Variants in HMCN1 observed in about 807,000 individuals in gnomAD.
The protein encoded by HMCN1 is hemicentin-1.
In HMCN1, 321 loss-of-function variants were observed where a neutral mutation model predicts 625.9. The ratio of observed to expected loss-of-function variants is 0.51; its 90% CI spans 0.47 to 0.56. The LOEUF (loss-of-function observed/expected upper bound fraction) is 0.56, where lower values mean the gene tolerates loss of function less well. Among genes scored for constraint, HMCN1 ranks in the 20% least tolerant of loss-of-function variants. The probability of loss-of-function intolerance (pLI) is 0.00; values close to 1 mark genes in which losing one functional copy is unlikely to be tolerated. For synonymous variants in HMCN1, 2,425 were observed against 2,417.6 expected, an observed-to-expected ratio of 1.00 and a Z score of -0.09; for missense variants, 6,588 against 6,887.3, an observed-to-expected ratio of 0.96 and a Z score of 1.54.
At chr1:185,968,327 C>T (rs910219331) in intron 14 of HMCN1, among the ~76,000 whole-genome samples, 120 of 152,026 alleles carry the variant, frequency 7.9e-4, no homozygotes, top group African/African-American at 2.9e-3. Context: ...TAGAGATTTG[C>T]AAAATGTGAA....
At chr1:185,901,755 A>T (rs1665818984) in intron 4 of HMCN1, among the ~76,000 whole-genome samples, 2 of 151,748 alleles carry the variant, frequency 1.3e-5, no homozygotes, top group Admixed American at 1.3e-4. Context: ...ATCTGTACCA[A>T]AGAATAAGTT....
chr1:185,937,880 CA>C (rs1388624556), intron 11 of HMCN1, among the ~76,000 whole-genome samples: 1 of 128,614 alleles, frequency 7.8e-6, no homozygotes, highest in African/African-American at 3.1e-5. Context: ...GACTCCATCT[CA>C]AAATAATAAT....
chr1:185,786,462 G>A (rs1657574960), intron 1 of HMCN1, among the ~76,000 whole-genome samples: 1 of 152,166 alleles, frequency 6.6e-6, no homozygotes, highest in Admixed American at 6.5e-5. Context: ...GCAAAGGGAG[G>A]CTAAGCTTTG....
In HMCN1 at chr1:186,087,953, G is replaced by A. The variant is rs2102403123; in HGVS notation, c.9385G>A (p.Val3129Ile). ...KAEVSDTGQY[V>I]CRAINVAGRD... is the part of the protein sequence containing the mutation. The stretch of plus-strand genomic sequence containing the variant: ...TTAGGTATCTGACACAGGCCAGTAT[G>A]TATGTAGAGCTATAAATGTAGCAGG... The change falls in exon 61 of 107, where the codon GTA becomes ATA. Residue 3129 changes from valine to isoleucine, a missense_variant. This residue lies in a region of HMCN1 where 4,628 missense variants were observed against 4,853.1 expected (regional missense o/e 0.95). Coordinates refer to ENST00000271588, the MANE Select transcript of HMCN1 (RefSeq NM_031935.3). The A allele has an allele frequency of 1.9e-6, 3 of 1,612,974 alleles. No homozygotes were observed. Among genetic ancestry groups the A allele is most frequent in the Middle Eastern group, 1.7e-4 (1 of 6,052 alleles).
chr1:185,927,210 A>G (rs1454939790), intron 9 of HMCN1, among the ~76,000 whole-genome samples: 1 of 152,202 alleles, frequency 6.6e-6, no homozygotes, highest in Non-Finnish European at 1.5e-5. Context: ...ACTGAAGAAA[A>G]CACCAAAGAT....
chr1:186,108,826 T>A (rs142581229), intron 71 of HMCN1, among the ~76,000 whole-genome samples: 1 of 152,340 alleles, frequency 6.6e-6, no homozygotes, highest in African/African-American at 2.4e-5. Context: ...GGTATCTAGA[T>A]TCATGATGCT....
intron 34 of HMCN1, among the ~76,000 whole-genome samples, chr1:186,018,610 C>T (rs1305296602): frequency 6.6e-6 from 1 of 151,822 alleles, no homozygotes; most frequent in Non-Finnish European, 1.5e-5. Context: ...TAAATGTAGA[C>T]AGAATTTAAA....
chr1:185,744,089 C>T (rs1168676708), intron 1 of HMCN1, among the ~76,000 whole-genome samples: 3 of 148,934 alleles, frequency 2.0e-5, no homozygotes, highest in Non-Finnish European at 4.4e-5. Context: ...CCCGGGTTCA[C>T]GCCATTCTCC....
intron 3 of HMCN1, 30 bp downstream of exon 3, chr1:185,864,658 G>A: frequency 6.2e-7 from 1 of 1,609,074 alleles, no homozygotes. Flanking sequence ...AAACGTCTCT[G>A]TCTAAATGCA....
chr1:185,860,009 A>G (rs1337768551), intron 2 of HMCN1, among the ~76,000 whole-genome samples: 1 of 152,144 alleles, frequency 6.6e-6, no homozygotes, highest in Non-Finnish European at 1.5e-5. Context: ...ATTTAAAATT[A>G]TTAGAAAACC....
At chr1:186,188,067 G>T in intron 106 of HMCN1, 58 bp downstream of exon 106, 1 of 1,599,820 alleles carries the variant, frequency 6.3e-7, no homozygotes. Flanking sequence ...CCCACTCCTT[G>T]ACCAACATAA....
Position 186,065,273 on chromosome 1 carries a change from G to T in HMCN1, c.7549G>T (p.Gly2517Trp), listed in dbSNP as rs1424541351. Residue 2517 changes from glycine (G) to tryptophan (W), a missense_variant, in exon 49 of 107, where the codon GGG becomes TGG. Transcript: ENST00000271588. ...GCCAGAAATTACATGGCACAAAGAT[G>T]GGCAGCCCCTCCAAGAAGATGAAGC... ...PVPEITWHKD[G>W]QPLQEDEAHH... The T allele has an allele frequency of 6.2e-7, 1 of 1,612,428 alleles. No homozygotes were observed. The highest frequency in any genetic ancestry group is 1.1e-5 in the South Asian group (1 of 91,002).
At chr1:185,895,458 G>A (rs927025685) in intron 4 of HMCN1, among the ~76,000 whole-genome samples, 1 of 152,182 alleles carries the variant, frequency 6.6e-6, no homozygotes, top group Admixed American at 6.5e-5. Context: ...GAATCATAAA[G>A]CTGTATTTCT....
intron 45 of HMCN1, 56 bp from the exon 46 acceptor site, chr1:186,057,178 A>G: frequency 7.2e-7 from 1 of 1,383,730 alleles, no homozygotes; most frequent in Non-Finnish European, 1.0e-6. Flanking sequence ...GGTATATCAA[A>G]TGTATATCAG....
intron 55 of HMCN1, 32 bp from the exon 56 acceptor site, chr1:186,081,175 A>T (rs1306178394): frequency 6.3e-7 from 1 of 1,580,178 alleles, no homozygotes; most frequent in Non-Finnish European, 8.7e-7. Flanking sequence ...ACTGTTGCCC[A>T]TTTTTCTCCC....
At chr1:186,164,306 C>CTCGGCTCACTACAAGCT (rs1210222983) in intron 97 of HMCN1, among the ~76,000 whole-genome samples, 1 of 146,658 alleles carries the variant, frequency 6.8e-6, no homozygotes, top group East Asian at 2.0e-4. Context: ...GTGACGCAAT[C>CTCGGCTCACTACAAGCT]TCGGCTCACT....
intron 11 of HMCN1, among the ~76,000 whole-genome samples, chr1:185,934,143 A>T (rs540224825): frequency 6.6e-6 from 1 of 152,206 alleles, no homozygotes; most frequent in Non-Finnish European, 1.5e-5. Flanking sequence ...TTTTTAAAAA[A>T]TACTAATTTT....
intron 68 of HMCN1, among the ~76,000 whole-genome samples, chr1:186,101,142 G>T (rs1660365784): frequency 6.6e-6 from 1 of 151,776 alleles, no homozygotes; most frequent in Admixed American, 6.6e-5. Context: ...AGTAATTTTG[G>T]GTAGGCACCT....
At chr1:185,832,657 T>G (rs1038437961) in intron 1 of HMCN1, among the ~76,000 whole-genome samples, 21 of 152,132 alleles carry the variant, frequency 1.4e-4, no homozygotes, top group African/African-American at 5.1e-4. Flanking sequence ...TCATAAACCA[T>G]AAATATACTT....
Sources: allele counts gnomAD v4.1 joint callset (sites outside exome capture counted in the v4.1 genomes callset), GRCh38; gene constraint gnomAD v4.1.1; regional missense constraint gnomAD v4.1.1; transcripts MANE v1.5; gene names NCBI Gene and HGNC (gene_info 2026-07-23, HGNC 2026-07-21).